Variants in MEIS2 observed in about 807,000 individuals in gnomAD.
MEIS2 encodes homeobox protein Meis2.
MEIS2 carries 9 observed loss-of-function variants against 58.6 expected under a neutral mutation model. That is an observed-to-expected ratio of 0.15 (90% CI 0.09 to 0.27). The LOEUF (loss-of-function observed/expected upper bound fraction) is 0.27, where lower values mean the gene tolerates loss of function less well. Ranked by LOEUF, MEIS2 falls within the 10% of genes least tolerant of loss-of-function variation. The pLI, the probability that MEIS2 is intolerant of heterozygous loss-of-function variation, is 1.00. For missense variants in MEIS2, 427 were observed against 635.0 expected (o/e 0.67, Z 3.52); for synonymous variants, 221 against 228.4 (o/e 0.97, Z 0.29).
intron 8 of MEIS2, among the ~76,000 whole-genome samples, chr15:37,017,301 T>A (rs2061381131): frequency 6.6e-6 from 1 of 152,126 alleles, no homozygotes; most frequent in Non-Finnish European, 1.5e-5. Context: ...GGAGAAAGAA[T>A]AATCGTCTAC....
chr15:36,968,081 T>A (rs1250150213), intron 8 of MEIS2, among the ~76,000 whole-genome samples: 1 of 152,210 alleles, frequency 6.6e-6, no homozygotes, highest in Admixed American at 6.5e-5. Context: ...TAGCCTGAAC[T>A]CACCACTGAT....
At chr15:37,048,144 G>C (rs1274249142) in intron 7 of MEIS2, among the ~76,000 whole-genome samples, 1 of 152,032 alleles carries the variant, frequency 6.6e-6, no homozygotes, top group Non-Finnish European at 1.5e-5. Flanking sequence ...ACAAAAGGCC[G>C]TTTATATAAA....
chr15:37,001,587 A>G (rs2060729578), intron 8 of MEIS2, among the ~76,000 whole-genome samples: 1 of 152,020 alleles, frequency 6.6e-6, no homozygotes, highest in South Asian at 2.1e-4. Flanking sequence ...CCTCCAGACT[A>G]TTTCTCATAC....
chr15:37,088,474 T>C (rs917761924), intron 6 of MEIS2, among the ~76,000 whole-genome samples: 1 of 152,184 alleles, frequency 6.6e-6, no homozygotes, highest in Non-Finnish European at 1.5e-5. Context: ...TTTTTAAAAA[T>C]AAAACAAGGA....
rs2055796559 is a variant in MEIS2, at chr15:36,890,195, A to G, written c.*1978T>C. The G allele has an allele frequency of 6.6e-6, 1 of 152,204 alleles. No individual in the cohort carries two copies. Among genetic ancestry groups the G allele is most frequent in the African/African-American group, 2.4e-5 (1 of 41,456 alleles). The allele number at this position is 152,204 out of a possible 1,614,324, so 9.4% of individuals were successfully genotyped here. The stretch of plus-strand genomic sequence containing the variant: ...GTATATGACATTATTCTTTCTAAAC[A>G]AAGATTCAAAATTTAAGAGTTAAAA... On this transcript the variant is annotated 3_prime_UTR_variant, in exon 12 of 12. Transcript: ENST00000561208.
intron 11 of MEIS2, 200 bp downstream of exon 11, chr15:36,894,951 G>C: frequency 1.1e-6 from 1 of 899,316 alleles, no homozygotes; most frequent in Non-Finnish European, 1.8e-6. Context: ...GTATGGGGCA[G>C]AGTATAATGG....
intron 8 of MEIS2, among the ~76,000 whole-genome samples, chr15:36,954,621 C>T (rs1344853315): frequency 6.6e-6 from 1 of 152,026 alleles, no homozygotes; most frequent in African/African-American, 2.4e-5. Context: ...CAAGACATCT[C>T]CAAGATCAGT....
At chr15:36,894,759 T>A (rs527578250) in intron 11 of MEIS2, 1 of 1,613,892 alleles carries the variant, frequency 6.2e-7, no homozygotes, top group South Asian at 1.1e-5. Flanking sequence ...GAAGGTTACA[T>A]GTAGTGCCAT....
chr15:36,919,422 T>C (rs1418545194), intron 9 of MEIS2, among the ~76,000 whole-genome samples: 3 of 151,944 alleles, frequency 2.0e-5, no homozygotes, highest in Admixed American at 6.5e-5. Context: ...CTACCAAAAA[T>C]ACAAAATTAG....
intron 8 of MEIS2, among the ~76,000 whole-genome samples, chr15:37,035,772 G>C (rs933823130): frequency 6.6e-6 from 1 of 152,140 alleles, no homozygotes; most frequent in Non-Finnish European, 1.5e-5. Context: ...GCCCTTTGTA[G>C]CTCTGCAAGA....
chr15:37,027,789 G>C (rs906952958), intron 8 of MEIS2, among the ~76,000 whole-genome samples: 1 of 150,026 alleles, frequency 6.7e-6, no homozygotes, highest in Non-Finnish European at 1.5e-5. Flanking sequence ...TATTTTTTTA[G>C]ATCAGTTTTA....
At chr15:37,009,189 T>C (rs1336558184) in intron 8 of MEIS2, among the ~76,000 whole-genome samples, 2 of 151,970 alleles carry the variant, frequency 1.3e-5, no homozygotes, top group East Asian at 1.9e-4. Context: ...CTCGGGAGGC[T>C]GAGGCAAGAG....
chr15:37,094,117 T>C, intron 5 of MEIS2: 1 of 262,002 alleles, frequency 3.8e-6, no homozygotes, highest in Non-Finnish European at 7.3e-6. Flanking sequence ...GGGTTTCGTA[T>C]GTTTCCAGGG....
intron 9 of MEIS2, among the ~76,000 whole-genome samples, chr15:36,911,669 G>A (rs2141268046): frequency 6.6e-6 from 1 of 152,318 alleles, no homozygotes; most frequent in Non-Finnish European, 1.5e-5. Flanking sequence ...GCTGTCCCGA[G>A]ATGAGGTCAG....
rs2055890244 is a variant in MEIS2, at chr15:36,892,121, A to G, written c.*52T>C. The G allele has an allele frequency of 6.3e-7, 1 of 1,575,530 alleles. No homozygotes were observed. The highest frequency in any genetic ancestry group is 8.7e-7 in the Non-Finnish European group (1 of 1,149,222). ...GTCAACATCTGGTCAAAGTTCAGAA[A>G]GTCTTAAAATAGTTTTTGCGTGTGT... is the stretch of plus-strand genomic sequence containing the variant. On this transcript the variant is annotated 3_prime_UTR_variant, in exon 12 of 12. Coordinates refer to ENST00000561208, the MANE Select transcript of MEIS2 (RefSeq NM_170675.5).
chr15:36,890,762 A>G lies in MEIS2; in HGVS notation c.*1411T>C, dbSNP rs112851660. The G allele has an allele frequency of 1.4e-4, 22 of 152,322 alleles. No individual in the cohort carries two copies. The highest frequency in any genetic ancestry group is 5.3e-4 in the African/African-American group (22 of 41,578). The allele number at this position is 152,322 out of a possible 1,614,324, so 9.4% of individuals were successfully genotyped here. A position where few individuals can be genotyped will look rare whatever the true frequency, so the allele number is the denominator to read the frequency against. On this transcript the variant is annotated 3_prime_UTR_variant, in exon 12 of 12. Transcript: ENST00000561208. ...AAGTATATATTTTTTAACGTCATGC[A>G]TCTAAAAAGGAGGTTGAGCATGTTC...
At chr15:37,049,730 C>T (rs573907705) in intron 7 of MEIS2, among the ~76,000 whole-genome samples, 59 of 150,380 alleles carry the variant, frequency 3.9e-4, no homozygotes, top group African/African-American at 1.4e-3. Context: ...TCAGGCAATT[C>T]ATGCACCTCG....
chr15:36,945,960 T>C (rs147535301), intron 9 of MEIS2, among the ~76,000 whole-genome samples: 1 of 152,178 alleles, frequency 6.6e-6, no homozygotes, highest in Non-Finnish European at 1.5e-5. Flanking sequence ...TTTGTTGGTA[T>C]ACAACTAGGC....
Position 37,058,542 on chromosome 15 carries a change from G to A in MEIS2, c.755-21583C>T, listed in dbSNP as rs375126162. Among the ~76,000 whole-genome samples the A allele has an allele frequency of 2.3e-4, 35 of 152,250 alleles. No individual in the cohort carries two copies. The South Asian group carries it at 5.0e-3, about 22-fold the overall frequency. ...AAGGTCATCTCTCACAGACGTCTCC[G>A]GCAGACACTCAGTTGTCAAAAGGTT... On this transcript the variant is annotated intron_variant, in intron 7 of 11. Transcript: ENST00000561208.
Sources: allele counts gnomAD v4.1 joint callset (sites outside exome capture counted in the v4.1 genomes callset), GRCh38; gene constraint gnomAD v4.1.1; transcripts MANE v1.5; gene names NCBI Gene and HGNC (gene_info 2026-07-23, HGNC 2026-07-21).